The following CFAP61 variants were observed in gnomAD, a reference collection of about 807,000 sequenced individuals.
The protein encoded by CFAP61 is cilia and flagella associated protein 61.
In CFAP61, 107 loss-of-function variants were observed where a neutral mutation model predicts 135.6. The ratio of observed to expected loss-of-function variants is 0.79; its 90% CI spans 0.67 to 0.93. The LOEUF (loss-of-function observed/expected upper bound fraction) is 0.93. Among genes scored for constraint, CFAP61 ranks in the 40% least tolerant of loss-of-function variants. CFAP61 has a pLI of 0.00. For synonymous variants in CFAP61, 575 were observed against 578.5 expected, an observed-to-expected ratio of 0.99 and a Z score of 0.09; for missense variants, 1,507 against 1,556.2, an observed-to-expected ratio of 0.97 and a Z score of 0.53.
chr20:20,342,361 A>G (rs1189189369), intron 26 of CFAP61, among the ~76,000 whole-genome samples: 1 of 152,242 alleles, frequency 6.6e-6, no homozygotes, highest in East Asian at 1.9e-4. Context: ...TTTTATAACC[A>G]GAACTTCTTT....
chr20:20,351,156 A>ACT (rs1246131725), intron 26 of CFAP61, among the ~76,000 whole-genome samples: 4 of 152,224 alleles, frequency 2.6e-5, no homozygotes, highest in Non-Finnish European at 5.9e-5. Flanking sequence ...GGAAAGGAAG[A>ACT]GGTGAAATTG....
At chr20:20,205,832 T>A (rs2056832107) in intron 17 of CFAP61, among the ~76,000 whole-genome samples, 1 of 152,346 alleles carries the variant, frequency 6.6e-6, no homozygotes. Context: ...AAAACCTTTG[T>A]TGTTACAAAA....
intron 6 of CFAP61, among the ~76,000 whole-genome samples, chr20:20,088,130 A>T (rs1032064796): frequency 6.6e-6 from 1 of 152,178 alleles, no homozygotes; most frequent in African/African-American, 2.4e-5. Context: ...TAGCCTCATC[A>T]CTAGAAATTC....
intron 8 of CFAP61, among the ~76,000 whole-genome samples, chr20:20,099,028 GGGGCCTTA>G (rs2146637760): frequency 6.6e-6 from 1 of 152,166 alleles, no homozygotes; most frequent in Admixed American, 6.5e-5. Context: ...TAGTGGACTT[GGGGCCTTA>G]GGGCTCCCAC....
In CFAP61 at chr20:20,351,180, A is replaced by T. The variant is rs117870967; in HGVS notation, c.3514-9030A>T. On this transcript the variant is annotated intron_variant, in intron 26 of 26. Transcript: ENST00000245957. ...GAGGTGAAATTGTCTCTGTTTGCTGATGACATGATCTTATACACATAAAAT... is the reference window on the plus strand; with the variant it reads ...GAGGTGAAATTGTCTCTGTTTGCTGTTGACATGATCTTATACACATAAAAT... 2.2e-3 allele frequency among the ~76,000 whole-genome samples: 330 copies of T among 152,346 alleles called. 1 individual carries two copies. The highest frequency in any genetic ancestry group is 4.1e-3 in the South Asian group (20 of 4,826).
At chr20:20,252,040 AGTCTAAC>A (rs1485365569) in intron 20 of CFAP61, among the ~76,000 whole-genome samples, 1 of 152,242 alleles carries the variant, frequency 6.6e-6, no homozygotes, top group Admixed American at 6.5e-5. Flanking sequence ...GTTGTCCAAA[AGTCTAAC>A]ACATACTGCT....
intron 25 of CFAP61, among the ~76,000 whole-genome samples, chr20:20,333,230 C>T (rs974755947): frequency 6.6e-6 from 1 of 152,160 alleles, no homozygotes; most frequent in Non-Finnish European, 1.5e-5. Context: ...GATACGGAGC[C>T]TCTCCCCTGT....
chr20:20,299,858 G>A (rs145318025), intron 25 of CFAP61, among the ~76,000 whole-genome samples: 47 of 152,262 alleles, frequency 3.1e-4, no homozygotes, highest in African/African-American at 1.0e-3. Context: ...CACTGTGGAC[G>A]TACTTCATGT....
At chr20:20,342,413 C>A (rs1178455117) in intron 26 of CFAP61, among the ~76,000 whole-genome samples, 4 of 152,214 alleles carry the variant, frequency 2.6e-5, no homozygotes. Context: ...GGCTGCGTAG[C>A]CCAAGGGCTG....
At chr20:20,237,080 CA>C (rs2049652053) in intron 18 of CFAP61, among the ~76,000 whole-genome samples, 1 of 152,164 alleles carries the variant, frequency 6.6e-6, no homozygotes, top group African/African-American at 2.4e-5. Flanking sequence ...ATTGACATTT[CA>C]AGAATGGCAT....
At chr20:20,165,238 A>G (rs2053731816) in intron 11 of CFAP61, among the ~76,000 whole-genome samples, 1 of 152,146 alleles carries the variant, frequency 6.6e-6, no homozygotes, top group Non-Finnish European at 1.5e-5. Context: ...AGCTTTTTCC[A>G]GCCAAAGTCT....
chr20:20,353,636 C>A (rs1449752326), intron 26 of CFAP61, among the ~76,000 whole-genome samples: 1 of 152,120 alleles, frequency 6.6e-6, no homozygotes, highest in East Asian at 1.9e-4. Flanking sequence ...TATCAATTAG[C>A]CTATGGTAAA....
At chr20:20,085,712 A>G (rs971064462) in intron 6 of CFAP61, among the ~76,000 whole-genome samples, 5 of 152,238 alleles carry the variant, frequency 3.3e-5, no homozygotes, top group Non-Finnish European at 5.9e-5. Flanking sequence ...TGCTGTCTTC[A>G]TTCACTTAAA....
At chr20:20,180,689 T>C (rs2146849278) in intron 13 of CFAP61, among the ~76,000 whole-genome samples, 1 of 152,326 alleles carries the variant, frequency 6.6e-6, no homozygotes, top group East Asian at 1.9e-4. Flanking sequence ...TAAATCATTC[T>C]AAGGACACAT....
Position 20,255,269 on chromosome 20 carries a change from C to G in CFAP61, c.2328+3506C>G, listed in dbSNP as rs6035591. Among the ~76,000 whole-genome samples the G allele has an allele frequency of 7.2e-3, 1,100 of 152,276 alleles. 14 individuals carry two copies. Among genetic ancestry groups the G allele is most frequent in the African/African-American group, 0.025 (1,034 of 41,540 alleles). On this transcript the variant is annotated intron_variant, in intron 20 of 26. Transcript: ENST00000245957. ...CCACTCTCCATGACTCATGGACGGT[C>G]ATGGAGCAGCAGAGAGATGCCTTCC...
chr20:20,175,579 G>C (rs144394626), intron 13 of CFAP61, among the ~76,000 whole-genome samples: 1 of 151,752 alleles, frequency 6.6e-6, no homozygotes. Flanking sequence ...AGGCTGGAGT[G>C]CAGTGGTGCA....
chr20:20,257,605 C>T (rs1302520299), intron 20 of CFAP61, among the ~76,000 whole-genome samples: 1 of 127,488 alleles, frequency 7.8e-6, no homozygotes, highest in Non-Finnish European at 1.6e-5. Flanking sequence ...CAGAGCAAGA[C>T]TGTCTCAAAA....
intron 16 of CFAP61, 45 bp from the exon 17 acceptor site, chr20:20,199,723 C>T: frequency 1.2e-6 from 2 of 1,610,838 alleles, no homozygotes; most frequent in East Asian, 2.2e-5. Flanking sequence ...TGTGCTGAGC[C>T]TCTCTGACAT....
intron 24 of CFAP61, among the ~76,000 whole-genome samples, chr20:20,291,966 T>A (rs976826395): frequency 6.6e-6 from 1 of 152,234 alleles, no homozygotes; most frequent in African/African-American, 2.4e-5. Flanking sequence ...CAACCTAAAA[T>A]AAACACATTT....
Sources: gnomAD v4.1 joint callset for allele counts (sites outside exome capture counted in the v4.1 genomes callset) on GRCh38, gnomAD v4.1.1 for gene constraint, MANE v1.5 for transcripts, NCBI Gene and HGNC (gene_info 2026-07-23, HGNC 2026-07-21) for gene names.